CSGALNACT1: variants seen among roughly 807,000 people sequenced by gnomAD.
CSGALNACT1 encodes beta4GalNAcT-1.
A neutral mutation model predicts 51.0 loss-of-function variants in CSGALNACT1; 52 were observed. The observed-to-expected ratio is 1.02, with a 90% CI of 0.82 to 1.29. The LOEUF (loss-of-function observed/expected upper bound fraction) is 1.29, where lower values mean the gene tolerates loss of function less well. Ranked by LOEUF, CSGALNACT1 falls within the 50% of genes most tolerant of loss-of-function variation. CSGALNACT1 has a pLI of 0.00. For missense variants in CSGALNACT1, 935 were observed against 679.2 expected (o/e 1.38, Z -4.19); for synonymous variants, 341 against 254.4 (o/e 1.34, Z -3.24).
intron 6 of CSGALNACT1, among the ~76,000 whole-genome samples, chr8:19,432,984 T>C (rs907269223): frequency 2.6e-5 from 4 of 152,158 alleles, no homozygotes; most frequent in Non-Finnish European, 5.9e-5. Flanking sequence ...TGAGCCTTAG[T>C]TTCTTCACAT....
intron 1 of CSGALNACT1, among the ~76,000 whole-genome samples, chr8:19,655,729 T>C (rs2058214609): frequency 6.6e-6 from 1 of 152,188 alleles, no homozygotes; most frequent in Non-Finnish European, 1.5e-5. Context: ...TAGTCTTTTT[T>C]AATTCTTTGT....
intron 1 of CSGALNACT1, among the ~76,000 whole-genome samples, chr8:19,614,566 T>G (rs1445515120): frequency 6.6e-6 from 1 of 152,206 alleles, no homozygotes; most frequent in Non-Finnish European, 1.5e-5. Flanking sequence ...AACCATCACA[T>G]GGATCAAGAT....
intron 4 of CSGALNACT1, among the ~76,000 whole-genome samples, chr8:19,463,822 T>C (rs58690444): frequency 0.13 from 19,799 of 152,182 alleles, 1,411 homozygotes; most frequent in Middle Eastern, 0.22. Context: ...GCCGGTCTTT[T>C]CCTACTCAAT....
chr8:19,600,981 A>C (rs903104064), intron 2 of CSGALNACT1, among the ~76,000 whole-genome samples: 1 of 152,160 alleles, frequency 6.6e-6, no homozygotes, highest in Non-Finnish European at 1.5e-5. Context: ...TCTAGAAAAA[A>C]AAAAGACTCT....
intron 3 of CSGALNACT1, among the ~76,000 whole-genome samples, chr8:19,567,226 T>G (rs761706082): frequency 6.6e-6 from 1 of 152,172 alleles, no homozygotes; most frequent in Non-Finnish European, 1.5e-5. Flanking sequence ...AGCCAGTACT[T>G]GCTCAGAACC....
intron 4 of CSGALNACT1, among the ~76,000 whole-genome samples, chr8:19,467,478 G>A (rs894907318): frequency 6.6e-6 from 1 of 152,044 alleles, no homozygotes; most frequent in Admixed American, 6.6e-5. Context: ...GAACTGCAAT[G>A]TATTTCTCAC....
intron 1 of CSGALNACT1, among the ~76,000 whole-genome samples, chr8:19,753,184 T>C (rs998162367): frequency 6.6e-6 from 1 of 152,202 alleles, no homozygotes; most frequent in African/African-American, 2.4e-5. Flanking sequence ...AGCATTAGTC[T>C]GTGCAAATGG....
intron 1 of CSGALNACT1, among the ~76,000 whole-genome samples, chr8:19,664,978 A>C (rs762473341): frequency 6.6e-6 from 1 of 152,192 alleles, no homozygotes; most frequent in African/African-American, 2.4e-5. Flanking sequence ...CAGACTTACC[A>C]CTATGTAGTA....
At chr8:19,505,504 T>A (rs774245192) in exon 4 of CSGALNACT1, 1 of 1,614,046 alleles carries the variant, frequency 6.2e-7, no homozygotes, top group Non-Finnish European at 8.5e-7. Flanking sequence ...TCTGGGGGGC[T>A]CCTGTCCAGA....
chr8:19,436,320 C>T (rs1323227393), intron 6 of CSGALNACT1, among the ~76,000 whole-genome samples: 1 of 152,052 alleles, frequency 6.6e-6, no homozygotes, highest in Non-Finnish European at 1.5e-5. Flanking sequence ...TTAGAGTGAA[C>T]AGGTGGTGGT....
intron 3 of CSGALNACT1, among the ~76,000 whole-genome samples, chr8:19,574,592 C>T (rs1462391928): frequency 6.6e-6 from 1 of 152,134 alleles, no homozygotes; most frequent in African/African-American, 2.4e-5. Context: ...AAGCCACAGC[C>T]AGCCCACCTC....
At chr8:19,481,339 G>A (rs930066950) in intron 4 of CSGALNACT1, among the ~76,000 whole-genome samples, 9 of 152,134 alleles carry the variant, frequency 5.9e-5, no homozygotes, top group African/African-American at 9.6e-5. Context: ...ATGTGTCTAC[G>A]ACGTCTCATT....
intron 1 of CSGALNACT1, among the ~76,000 whole-genome samples, chr8:19,619,196 G>A (rs1237599686): frequency 6.7e-6 from 1 of 148,640 alleles, no homozygotes; most frequent in Non-Finnish European, 1.5e-5. Context: ...GCAGGTAGGA[G>A]TGCAGGTGAG....
intron 1 of CSGALNACT1, among the ~76,000 whole-genome samples, chr8:19,721,246 A>C (rs2063112874): frequency 1.3e-5 from 2 of 152,146 alleles, no homozygotes; most frequent in Admixed American, 6.5e-5. Flanking sequence ...AACATCCCGG[A>C]GACTGTGAAA....
intron 3 of CSGALNACT1, among the ~76,000 whole-genome samples, chr8:19,540,811 C>T (rs1167721522): frequency 6.6e-6 from 1 of 152,134 alleles, no homozygotes; most frequent in African/African-American, 2.4e-5. Flanking sequence ...TCATCTTTCT[C>T]CCTTTGCTGG....
Position 19,752,389 on chromosome 8 carries a change from C to A in CSGALNACT1, c.-297+5461G>T, listed in dbSNP as rs1364107400. On this transcript the variant is annotated intron_variant, in intron 1 of 1. Coordinates refer to the CSGALNACT1 transcript ENST00000517494. ...GGCTGAGCACCCGACATGGAACAGT[C>A]TACCACAGACGAAGGGGTTCCTAGC... is the stretch of plus-strand genomic sequence containing the variant. Among the ~76,000 whole-genome samples the A allele has an allele frequency of 2.6e-5, 4 of 152,208 alleles. No homozygotes were observed. The South Asian group carries it at 8.3e-4, about 32-fold the overall frequency.
At chr8:19,535,371 C>T (rs931799660) in intron 3 of CSGALNACT1, among the ~76,000 whole-genome samples, 1 of 152,116 alleles carries the variant, frequency 6.6e-6, no homozygotes, top group African/African-American at 2.4e-5. Flanking sequence ...TAGCCATTAA[C>T]AACTTCTACT....
intron 1 of CSGALNACT1, among the ~76,000 whole-genome samples, chr8:19,691,980 G>A (rs180920431): frequency 9.5e-4 from 145 of 152,268 alleles, no homozygotes; most frequent in Non-Finnish European, 1.7e-3. Flanking sequence ...TGACTGGGGA[G>A]GCCTGAGGAA....
intron 1 of CSGALNACT1, among the ~76,000 whole-genome samples, chr8:19,737,189 A>G (rs912031639): frequency 6.6e-6 from 1 of 152,174 alleles, no homozygotes; most frequent in Non-Finnish European, 1.5e-5. Flanking sequence ...TGTCAGATAA[A>G]TAAAACTAGG....
Sources: gnomAD v4.1 joint callset for allele counts (sites outside exome capture counted in the v4.1 genomes callset) on GRCh38, gnomAD v4.1.1 for gene constraint, MANE v1.5 for transcripts, NCBI Gene and HGNC (gene_info 2026-07-23, HGNC 2026-07-21) for gene names.